The following EVL variants were observed in gnomAD, a reference collection of about 807,000 sequenced individuals.
The protein encoded by EVL is ena/VASP-like protein.
EVL carries 21 observed loss-of-function variants against 59.6 expected under a neutral mutation model. The ratio of observed to expected loss-of-function variants is 0.35; its 90% CI spans 0.25 to 0.51. The LOEUF (loss-of-function observed/expected upper bound fraction) is 0.51, where lower values mean the gene tolerates loss of function less well. Ranked by LOEUF, EVL falls within the 20% of genes least tolerant of loss-of-function variation. EVL has a pLI of 0.97. For synonymous variants in EVL, 198 were observed against 203.5 expected, an observed-to-expected ratio of 0.97 and a Z score of 0.23; for missense variants, 462 against 546.6, an observed-to-expected ratio of 0.85 and a Z score of 1.54.
chr14:100,038,114 G>A (rs1426123167), intron 1 of EVL, among the ~76,000 whole-genome samples: 1 of 152,114 alleles, frequency 6.6e-6, no homozygotes, highest in African/African-American at 2.4e-5. Flanking sequence ...AAATCATCCT[G>A]GGTAGGATAC....
chr14:100,056,265 G>A (rs1464128543), intron 1 of EVL, among the ~76,000 whole-genome samples: 3 of 148,358 alleles, frequency 2.0e-5, no homozygotes, highest in Non-Finnish European at 4.5e-5. Context: ...TGTAGTCCCT[G>A]TCCCTTTTTC....
chr14:100,095,167 G>A (rs1178903922), intron 2 of EVL, among the ~76,000 whole-genome samples: 1 of 152,198 alleles, frequency 6.6e-6, no homozygotes, highest in African/African-American at 2.4e-5. Flanking sequence ...GACAGTAGTC[G>A]TGAGACACTA....
At chr14:99,978,275 G>C (rs569901146) in intron 1 of EVL, among the ~76,000 whole-genome samples, 1 of 151,892 alleles carries the variant, frequency 6.6e-6, no homozygotes, top group Non-Finnish European at 1.5e-5. Context: ...GGTGGCGGGT[G>C]CCTGTAGTCC....
At chr14:100,083,048 C>A (rs537297070) in intron 1 of EVL, among the ~76,000 whole-genome samples, 101 of 152,336 alleles carry the variant, frequency 6.6e-4, no homozygotes, top group Middle Eastern at 6.8e-3. Flanking sequence ...AGCACCTTCC[C>A]AGAGTGCTCC....
At chr14:100,062,030 T>C (rs1184275493), upstream of EVL, among the ~76,000 whole-genome samples, 1 of 151,794 alleles carries the variant, frequency 6.6e-6, no homozygotes, top group African/African-American at 2.4e-5. Flanking sequence ...CCTAGCACTT[T>C]GGGAGGCTGA....
In EVL at chr14:100,004,632, C is replaced by T. The variant is rs1312010970; in HGVS notation, c.5+32575C>T. ...ATGCTTGGACTTCCCGAATGTCCCT[C>T]TTTCTTAAATAACCAGTCATTTTAT... On this transcript the variant is annotated intron_variant, in intron 1 of 13. Transcript: ENST00000402714. 2.0e-5 allele frequency among the ~76,000 whole-genome samples: 3 copies of T among 152,158 alleles called. No homozygotes were observed. In the South Asian group the frequency reaches 6.2e-4, roughly 32 times the overall value.
In EVL at chr14:100,023,312, C is replaced by T. The variant is rs182127604; in HGVS notation, c.5+51255C>T. Among the ~76,000 whole-genome samples the T allele has an allele frequency of 9.1e-4, 136 of 150,178 alleles. 1 individual carries two copies. Among genetic ancestry groups the T allele is most frequent in the African/African-American group, 3.3e-3 (133 of 40,780 alleles). ...CTCCACATCCCAAGTTCAAGCAATT[C>T]TCCTGCCCTAGCCTCCTGAGCAGCT... is the stretch of plus-strand genomic sequence containing the variant. On this transcript the variant is annotated intron_variant, in intron 1 of 13. Coordinates refer to the EVL transcript ENST00000402714.
chr14:100,094,540 G>A (rs138803803), intron 2 of EVL, among the ~76,000 whole-genome samples: 78 of 151,678 alleles, frequency 5.1e-4, no homozygotes, highest in Middle Eastern at 3.4e-3. Context: ...TCAGGAGTTC[G>A]AGACAGCCTG....
chr14:100,005,572 G>A (rs1049201109), intron 1 of EVL, among the ~76,000 whole-genome samples: 6 of 147,462 alleles, frequency 4.1e-5, no homozygotes, highest in African/African-American at 7.5e-5. Context: ...GAAAACTCTC[G>A]CTCAAAAAAA....
At position 100,044,608 on chromosome 14, in the gene EVL, A is replaced by G. The variant is rs114516195; in HGVS notation, c.6-40079A>G. Among the ~76,000 whole-genome samples the G allele has an allele frequency of 9.1e-3, 1,380 of 152,236 alleles. 27 individuals carry two copies. The highest frequency in any genetic ancestry group is 0.031 in the African/African-American group (1,306 of 41,540). On this transcript the variant is annotated intron_variant, in intron 1 of 13. Coordinates refer to the EVL transcript ENST00000402714. ...CTGGAAATAGACCATTGTAATTACA[A>G]TGTGATCCAAGGAGTGCCACAGGCA... is the stretch of plus-strand genomic sequence containing the variant.
At chr14:100,120,178 C>G (rs1320659093) in intron 3 of EVL, among the ~76,000 whole-genome samples, 2 of 152,174 alleles carry the variant, frequency 1.3e-5, no homozygotes, top group Non-Finnish European at 2.9e-5. Context: ...TTGGGGGACC[C>G]CTTCTAATCC....
At chr14:100,116,955 C>G (rs1024665206) in intron 3 of EVL, among the ~76,000 whole-genome samples, 2 of 152,212 alleles carry the variant, frequency 1.3e-5, no homozygotes, top group Admixed American at 1.3e-4. Flanking sequence ...CAGCACAGTT[C>G]ACTCTGAAGG....
chr14:100,043,157 C>A (rs74084460), intron 1 of EVL, among the ~76,000 whole-genome samples: 7,981 of 151,950 alleles, frequency 0.053, 748 homozygotes, highest in African/African-American at 0.18. Context: ...CATCTGAGCA[C>A]CTCAGGTTAG....
intron 1 of EVL, chr14:100,019,824 TC>T (rs1407393944): frequency 3.5e-6 from 3 of 849,600 alleles, no homozygotes; most frequent in Non-Finnish European, 5.4e-6. Context: ...GTGGGGTTTA[TC>T]CCAGTCATGG....
chr14:99,994,479 C>A (rs1434131845), intron 1 of EVL, among the ~76,000 whole-genome samples: 1 of 151,990 alleles, frequency 6.6e-6, no homozygotes, highest in Non-Finnish European at 1.5e-5. Context: ...TTACATAAAA[C>A]ATCTTAAAGT....
intron 1 of EVL, among the ~76,000 whole-genome samples, chr14:99,990,347 T>A (rs2060867280): frequency 6.6e-6 from 1 of 152,236 alleles, no homozygotes; most frequent in African/African-American, 2.4e-5. Context: ...TTTTAATTTT[T>A]ATTGTAAAAA....
In EVL at chr14:100,143,745, G is replaced by C. The variant is rs370490000; in HGVS notation, c.*7G>C. The C allele has an allele frequency of 1.9e-6, 3 of 1,612,014 alleles. No individual in the cohort carries two copies. Among genetic ancestry groups the C allele is most frequent in the Non-Finnish European group, 2.5e-6 (3 of 1,179,722 alleles). On this transcript the variant is annotated 3_prime_UTR_variant, in exon 14 of 14. Transcript: ENST00000392920. The stretch of plus-strand genomic sequence containing the variant: ...TGGGATCAGCACCACGTAAGGGGCC[G>C]GCCTCGCTGCGCTGATTCGTCGAGC...
chr14:100,063,347 G>C (rs954950807), upstream of EVL, among the ~76,000 whole-genome samples: 7 of 152,206 alleles, frequency 4.6e-5, no homozygotes, highest in African/African-American at 1.7e-4. Context: ...AAGCAATGCA[G>C]TCAGTGTCCA....
chr14:100,106,808 G>A (rs1886600068), intron 3 of EVL: 2 of 398,516 alleles, frequency 5.0e-6, no homozygotes, highest in East Asian at 3.6e-5. Context: ...ATAGCACAGT[G>A]TCTGTCTCAT....
Sources: gnomAD v4.1 joint callset for allele counts (sites outside exome capture counted in the v4.1 genomes callset) on GRCh38, gnomAD v4.1.1 for gene constraint, MANE v1.5 for transcripts, NCBI Gene and HGNC (gene_info 2026-07-23, HGNC 2026-07-21) for gene names.